The following URI1 variants were observed in gnomAD, a reference collection of about 807,000 sequenced individuals.
URI1 encodes unconventional prefoldin RPB5 interactor 1.
A neutral mutation model predicts 60.2 loss-of-function variants in URI1; 39 were observed. The ratio of observed to expected loss-of-function variants is 0.65; its 90% CI spans 0.50 to 0.85. URI1 has a LOEUF of 0.85. Ranked by LOEUF, URI1 falls within the 40% of genes least tolerant of loss-of-function variation. URI1 has a pLI of 0.00. For synonymous variants in URI1, 251 were observed against 236.8 expected, an observed-to-expected ratio of 1.06 and a Z score of -0.55; for missense variants, 691 against 665.9, an observed-to-expected ratio of 1.04 and a Z score of -0.42.
chr19:29,987,659 A>G (rs1338556209), intron 4 of URI1, among the ~76,000 whole-genome samples: 1 of 152,190 alleles, frequency 6.6e-6, no homozygotes, highest in East Asian at 1.9e-4. Context: ...ATTGATTTTC[A>G]TATTTCAGTG....
intron 1 of URI1, among the ~76,000 whole-genome samples, chr19:29,933,337 G>A (rs2054938945): frequency 1.3e-5 from 2 of 152,100 alleles, no homozygotes; most frequent in Admixed American, 6.6e-5. Flanking sequence ...TCTTGAGTTA[G>A]TTTTGGTAGT....
chr19:29,960,136 C>T (rs1226150058), intron 1 of URI1, among the ~76,000 whole-genome samples: 1 of 152,046 alleles, frequency 6.6e-6, no homozygotes, highest in Non-Finnish European at 1.5e-5. Context: ...TTTTCTGTTT[C>T]TCTAGTGTGG....
chr19:29,948,940 C>T (rs1410114292), intron 1 of URI1, among the ~76,000 whole-genome samples: 3 of 151,332 alleles, frequency 2.0e-5, no homozygotes, highest in Non-Finnish European at 3.0e-5. Flanking sequence ...CCCCACCTCC[C>T]AGACGGGACC....
In URI1 at chr19:30,015,470, T is replaced by C; in HGVS notation, c.*401T>C. On this transcript the variant is annotated 3_prime_UTR_variant, in exon 11 of 11. Transcript: ENST00000392271. ...AGAAAATTTTAAAATTTCAAATAGA[T>C]TCAACAATTACATTACTTGCTTTCA... The C allele has an allele frequency of 6.6e-7, 1 of 1,519,800 alleles. No individual in the cohort carries two copies. The highest frequency in any genetic ancestry group is 1.2e-5 in the South Asian group (1 of 80,816). The allele number at this position is 1,519,800 out of a possible 1,614,324, so 94.1% of individuals were successfully genotyped here.
chr19:29,966,629 A>G (rs867278814), intron 1 of URI1, among the ~76,000 whole-genome samples: 1 of 152,232 alleles, frequency 6.6e-6, no homozygotes, highest in Non-Finnish European at 1.5e-5. Flanking sequence ...TTATACATCT[A>G]CTTGACAAAT....
At chr19:29,977,126 TTCTC>T (rs920024170) in intron 2 of URI1, among the ~76,000 whole-genome samples, 18 of 151,880 alleles carry the variant, frequency 1.2e-4, no homozygotes, top group South Asian at 6.2e-4. Flanking sequence ...AGATTTGATT[TTCTC>T]TCTCTCTTTT....
At chr19:29,967,940 A>T (rs543346747) in intron 1 of URI1, among the ~76,000 whole-genome samples, 1 of 152,210 alleles carries the variant, frequency 6.6e-6, no homozygotes, top group Non-Finnish European at 1.5e-5. Flanking sequence ...GTGTTGGCAT[A>T]TACTCCTGTT....
chr19:29,969,081 T>C (rs968160032), intron 1 of URI1, among the ~76,000 whole-genome samples: 1 of 152,192 alleles, frequency 6.6e-6, no homozygotes, highest in Non-Finnish European at 1.5e-5. Context: ...TTCCCCTTAT[T>C]TCTGATTTCC....
chr19:29,962,750 C>G (rs1357404981), intron 1 of URI1, among the ~76,000 whole-genome samples: 1 of 151,880 alleles, frequency 6.6e-6, no homozygotes, highest in Non-Finnish European at 1.5e-5. Context: ...TTTGATAAGA[C>G]ATTTTATTAA....
Position 29,997,869 on chromosome 19 carries a change from A to T in URI1, c.368-7492A>T, listed in dbSNP as rs975310707. Among the ~76,000 whole-genome samples, 63 of 151,934 alleles carry T rather than the reference A, an allele frequency of 4.1e-4. 1 individual carries two copies. Among genetic ancestry groups the T allele is most frequent in the Admixed American group, 3.7e-3 (56 of 15,250 alleles). The stretch of plus-strand genomic sequence containing the variant: ...AACTTCCATCTCCCGCGTTGAAGGG[A>T]TTCTTCTGCCTCAGCCTCCCTAGTA... On this transcript the variant is annotated intron_variant, in intron 4 of 10. Transcript: ENST00000392271.
At chr19:29,993,863 A>G (rs1282055458) in intron 4 of URI1, among the ~76,000 whole-genome samples, 1 of 152,016 alleles carries the variant, frequency 6.6e-6, no homozygotes, top group African/African-American at 2.4e-5. Flanking sequence ...ATGCATTCCT[A>G]CCCCACCCTA....
intron 10 of URI1, among the ~76,000 whole-genome samples, chr19:30,013,353 A>G (rs188603127): frequency 6.6e-6 from 1 of 152,322 alleles, no homozygotes; most frequent in Non-Finnish European, 1.5e-5. Context: ...AGTGTATTAA[A>G]TGGTAATTGG....
Position 30,015,301 on chromosome 19 carries a change from A to C in URI1, c.*232A>C. ...CTGAATACTGTCAACACTCTTATCTAAGTTTGCCTTTATGATGCAGTGGCA... is the reference window on the plus strand; with the variant it reads ...CTGAATACTGTCAACACTCTTATCTCAGTTTGCCTTTATGATGCAGTGGCA... On this transcript the variant is annotated 3_prime_UTR_variant, in exon 11 of 11. Coordinates refer to ENST00000392271, the MANE Select transcript of URI1 (RefSeq NM_003796.3). 1 of 1,416,288 alleles carries C rather than the reference A, an allele frequency of 7.1e-7. No individual in the cohort carries two copies. Among genetic ancestry groups the C allele is most frequent in the East Asian group, 2.5e-5 (1 of 39,692 alleles). 87.7% of individuals were successfully genotyped at this position (1,416,288 alleles called of 1,614,324 possible). A position where few individuals can be genotyped will look rare whatever the true frequency, so the allele number is the denominator to read the frequency against.
chr19:29,934,748 G>A (rs567885882), intron 1 of URI1, among the ~76,000 whole-genome samples: 14 of 151,546 alleles, frequency 9.2e-5, no homozygotes, highest in Non-Finnish European at 1.3e-4. Context: ...TTAGAGACCA[G>A]GTCTCACTAT....
intron 2 of URI1, among the ~76,000 whole-genome samples, chr19:29,972,000 C>T (rs538777879): frequency 1.3e-4 from 20 of 152,094 alleles, no homozygotes; most frequent in African/African-American, 4.1e-4. Context: ...ATTAAACCTT[C>T]GGTTATACAC....
At position 30,009,003 on chromosome 19, in the gene URI1, A is replaced by G; in HGVS notation, c.687-2A>G. The G allele has an allele frequency of 1.9e-6, 3 of 1,589,570 alleles. No individual in the cohort carries two copies. The highest frequency in any genetic ancestry group is 1.7e-6 in the Non-Finnish European group (2 of 1,164,982). ...GATCTTGTTAATTTTCTTCCTTGCTAGTAAGCCTGATACTGTGATTGCAAA... is the reference window on the plus strand; with the variant it reads ...GATCTTGTTAATTTTCTTCCTTGCTGGTAAGCCTGATACTGTGATTGCAAA... On this transcript the variant is annotated splice_acceptor_variant, in intron 7 of 10. Transcript: ENST00000392271. LOFTEE classifies it high-confidence loss of function.
intron 1 of URI1, among the ~76,000 whole-genome samples, chr19:29,935,941 C>T (rs1204171778): frequency 1.3e-5 from 2 of 151,966 alleles, no homozygotes; most frequent in Non-Finnish European, 2.9e-5. Context: ...CACCCGCCAC[C>T]ACGCCTGGCT....
At chr19:29,953,944 A>G (rs763620037) in intron 1 of URI1, among the ~76,000 whole-genome samples, 1 of 152,222 alleles carries the variant, frequency 6.6e-6, no homozygotes, top group Non-Finnish European at 1.5e-5. Flanking sequence ...AATCCTTGCA[A>G]ATAGTTAGAA....
chr19:29,980,922 CAAAAAAAAAAAAA>C (rs5827686), intron 2 of URI1, among the ~76,000 whole-genome samples: 7 of 68,598 alleles, frequency 1.0e-4, no homozygotes, highest in Non-Finnish European at 2.1e-4. Context: ...ACTCCATCTC[CAAAAAAAAAAAAA>C]AAAAAAAAAG....
Sources: gnomAD v4.1 joint callset for allele counts (sites outside exome capture counted in the v4.1 genomes callset) on GRCh38, gnomAD v4.1.1 for gene constraint, MANE v1.5 for transcripts, NCBI Gene and HGNC (gene_info 2026-07-23, HGNC 2026-07-21) for gene names.